CRACDL: variants seen among roughly 807,000 people sequenced by gnomAD.
CRACDL encodes CRACD like.
In CRACDL, 26 loss-of-function variants were observed where a neutral mutation model predicts 70.6. That is an observed-to-expected ratio of 0.37 (90% CI 0.27 to 0.51). The LOEUF (loss-of-function observed/expected upper bound fraction) is 0.51. CRACDL is among the 20% of genes least tolerant of loss of function. The pLI, the probability that CRACDL is intolerant of heterozygous loss-of-function variation, is 0.94. For synonymous variants in CRACDL, 618 were observed against 615.2 expected, an observed-to-expected ratio of 1.00 and a Z score of -0.07; for missense variants, 1,283 against 1,376.9, an observed-to-expected ratio of 0.93 and a Z score of 1.08.
intron 1 of CRACDL, among the ~76,000 whole-genome samples, chr2:98,872,748 G>A (rs1707383357): frequency 6.6e-6 from 1 of 152,208 alleles, no homozygotes; most frequent in African/African-American, 2.4e-5. Context: ...GCTGCCCGTG[G>A]ACCTTCCTTT....
At chr2:98,821,056 G>C (rs1483368890) in intron 7 of CRACDL, among the ~76,000 whole-genome samples, 3 of 152,186 alleles carry the variant, frequency 2.0e-5, no homozygotes, top group Non-Finnish European at 4.4e-5. Flanking sequence ...AAGAATTTGA[G>C]GGATTCGCTG....
At chr2:98,872,730 C>T (rs1013273690) in intron 1 of CRACDL, among the ~76,000 whole-genome samples, 22 of 152,234 alleles carry the variant, frequency 1.4e-4, no homozygotes, top group African/African-American at 5.3e-4. Context: ...CCAGGTGATG[C>T]TGACGATGCT....
intron 1 of CRACDL, among the ~76,000 whole-genome samples, chr2:98,878,632 G>A (rs145424431): frequency 4.6e-5 from 7 of 152,296 alleles, no homozygotes; most frequent in African/African-American, 9.6e-5. Context: ...TCAGTTTTAC[G>A]TGAAGATGTT....
chr2:98,882,924 C>A (rs1329489623), intron 1 of CRACDL, among the ~76,000 whole-genome samples: 1 of 152,158 alleles, frequency 6.6e-6, no homozygotes, highest in Non-Finnish European at 1.5e-5. Context: ...AGGGATGACC[C>A]CTTTGTATCA....
chr2:98,851,537 C>A (rs1359998786), intron 1 of CRACDL, among the ~76,000 whole-genome samples: 4 of 152,170 alleles, frequency 2.6e-5, no homozygotes, highest in Admixed American at 2.6e-4. Flanking sequence ...AATCTTTACA[C>A]CTCCCTTTCC....
At chr2:98,867,116 C>G (rs777992334) in intron 1 of CRACDL, among the ~76,000 whole-genome samples, 1 of 152,218 alleles carries the variant, frequency 6.6e-6, no homozygotes, top group East Asian at 1.9e-4. Context: ...CCACAACTTG[C>G]TGGGCTGCTT....
chr2:98,794,682 G>C lies in CRACDL; in HGVS notation c.2750-11C>G, dbSNP rs766104959. ...TCACTGCAGACTGAGCTGCTTGGAAGGGAGACAAAACCAACAGAAACATGA... is the reference window on the plus strand; with the variant it reads ...TCACTGCAGACTGAGCTGCTTGGAACGGAGACAAAACCAACAGAAACATGA... On this transcript the variant is annotated splice_polypyrimidine_tract_variant and intron_variant, in intron 9 of 9. Coordinates refer to ENST00000397899, the MANE Select transcript of CRACDL (RefSeq NM_207362.3). 1 of 1,601,650 alleles carries C rather than the reference G, an allele frequency of 6.2e-7. No individual in the cohort carries two copies. Among genetic ancestry groups the C allele is most frequent in the South Asian group, 1.1e-5 (1 of 89,556 alleles).
intron 1 of CRACDL, among the ~76,000 whole-genome samples, chr2:98,921,143 G>C (rs1006132793): frequency 6.6e-6 from 1 of 152,218 alleles, no homozygotes; most frequent in Non-Finnish European, 1.5e-5. Flanking sequence ...GCCCCGTCTT[G>C]GAAATCAAGT....
At chr2:98,842,390 TTAC>T (rs1164104582) in intron 2 of CRACDL, among the ~76,000 whole-genome samples, 1 of 151,952 alleles carries the variant, frequency 6.6e-6, no homozygotes, top group Non-Finnish European at 1.5e-5. Context: ...ATTTTAATTA[TTAC>T]ATTTATTTCT....
At chr2:98,916,875 T>C (rs1708679082) in intron 1 of CRACDL, among the ~76,000 whole-genome samples, 1 of 152,204 alleles carries the variant, frequency 6.6e-6, no homozygotes, top group African/African-American at 2.4e-5. Context: ...GGTCAGCACC[T>C]GTCCTTCGGT....
chr2:98,906,426 T>C (rs1708416611), intron 1 of CRACDL, among the ~76,000 whole-genome samples: 1 of 151,992 alleles, frequency 6.6e-6, no homozygotes, highest in Non-Finnish European at 1.5e-5. Context: ...TACGCCAGGC[T>C]AATTTTTGTA....
At chr2:98,893,043 C>T (rs1708018881) in intron 1 of CRACDL, among the ~76,000 whole-genome samples, 1 of 152,228 alleles carries the variant, frequency 6.6e-6, no homozygotes, top group African/African-American at 2.4e-5. Context: ...GACATCACCC[C>T]TTGCAGGAGC....
intron 1 of CRACDL, among the ~76,000 whole-genome samples, chr2:98,927,412 T>G: frequency 6.6e-6 from 1 of 152,118 alleles, no homozygotes; most frequent in East Asian, 1.9e-4. Flanking sequence ...TAAATCCTCT[T>G]CTGCCTCAGC....
rs1359313563 is a variant in CRACDL at position 98,826,921 on chromosome 2, G to A, written c.735+54C>T. On this transcript the variant is annotated intron_variant, in intron 6 of 9. Transcript: ENST00000397899. ...TGAGGCAGGTTGGGGGGGGGCATAGGGGGGTGCCAAGCCTGCCTGGCCTGC... is the reference window on the plus strand; with the variant it reads ...TGAGGCAGGTTGGGGGGGGGCATAGAGGGGTGCCAAGCCTGCCTGGCCTGC... The A allele has an allele frequency of 2.8e-6, 4 of 1,443,778 alleles. No individual in the cohort carries two copies. In the African/African-American group the frequency reaches 5.7e-5, roughly 21 times the overall value. The allele number at this position is 1,443,778 out of a possible 1,614,324, so 89.4% of individuals were successfully genotyped here. A position where few individuals can be genotyped will look rare whatever the true frequency, so the allele number is the denominator to read the frequency against.
At position 98,822,888 on chromosome 2, in the gene CRACDL, C is replaced by T. The variant is rs759640932; in HGVS notation, c.1385G>A (p.Arg462Lys). 2 of 1,473,454 alleles carry T rather than the reference C, an allele frequency of 1.4e-6. No individual in the cohort carries two copies. The highest frequency in any genetic ancestry group is 2.7e-5 in the South Asian group (2 of 73,732). The allele number at this position is 1,473,454 out of a possible 1,614,324, so 91.3% of individuals were successfully genotyped here. Residue 462 changes from arginine to lysine, a missense_variant, in exon 7 of 10, where the codon AGA (arginine) becomes AAA (lysine). Physicochemically the swap from Arg to Lys is conservative, Grantham distance 26. This residue lies in a region of CRACDL where 921 missense variants were observed against 881.9 expected (regional missense o/e 1.04). Coordinates refer to ENST00000397899, the MANE Select transcript of CRACDL (RefSeq NM_207362.3). The surrounding 1 kb of genome is among the most constrained non-coding windows in gnomAD (Gnocchi z 4.9). ...TCTCTCGGGCTCCGTCTCCGCTTCTCTCTCGGGCTCAGGCGCCGGCCCTGG... is the reference window on the plus strand; with the variant it reads ...TCTCTCGGGCTCCGTCTCCGCTTCTTTCTCGGGCTCAGGCGCCGGCCCTGG... ...GPPGPAPEPE[R>K]EAETEPERGA...
At chr2:98,831,676 G>T (rs1434864524) in intron 5 of CRACDL, among the ~76,000 whole-genome samples, 4 of 152,150 alleles carry the variant, frequency 2.6e-5, no homozygotes, top group Non-Finnish European at 5.9e-5. Flanking sequence ...ATAACATAAA[G>T]AATTTAAAAT....
Position 98,794,574 on chromosome 2 carries a change from C to T in CRACDL, c.2847G>A (p.Lys949=), listed in dbSNP as rs1319590333. The T allele has an allele frequency of 6.2e-7, 1 of 1,613,968 alleles. No homozygotes were observed. The highest frequency in any genetic ancestry group is 2.2e-5 in the East Asian group (1 of 44,890). The change falls in exon 10 of 10, where the codon AAG becomes AAA. Residue 949 remains lysine, a synonymous_variant. Coordinates refer to ENST00000397899, the MANE Select transcript of CRACDL (RefSeq NM_207362.3). ...GCATGTCACTCCAAGCTTGAGATTT[C>T]TTTCTGGCAAGTTCCATCCAGGATG... The part of the protein sequence containing the change: ...DQPSWMELAR[K]KSQAWSDMPQ...
chr2:98,909,727 C>A (rs1224391368), intron 1 of CRACDL, among the ~76,000 whole-genome samples: 1 of 152,188 alleles, frequency 6.6e-6, no homozygotes, highest in Non-Finnish European at 1.5e-5. Flanking sequence ...GTTAGCACAC[C>A]TCAAGCCACC....
intron 3 of CRACDL, among the ~76,000 whole-genome samples, chr2:98,833,674 C>G (rs893127503): frequency 1.3e-5 from 2 of 152,188 alleles, no homozygotes; most frequent in Non-Finnish European, 2.9e-5. Context: ...GGGACTGAAC[C>G]CCCAGGACAT....
Sources: allele counts gnomAD v4.1 joint callset (sites outside exome capture counted in the v4.1 genomes callset), GRCh38; gene constraint gnomAD v4.1.1; regional missense constraint gnomAD v4.1.1; non-coding constraint Gnocchi (gnomAD v3.1); transcripts MANE v1.5; gene names NCBI Gene and HGNC (gene_info 2026-07-23, HGNC 2026-07-21).